The following SLFN5 variants were observed in gnomAD, a reference collection of about 807,000 sequenced individuals.
The protein encoded by SLFN5 is schlafen family member 5.
SLFN5 carries 34 observed loss-of-function variants against 48.5 expected under a neutral mutation model. The ratio of observed to expected loss-of-function variants is 0.70; its 90% confidence interval spans 0.53 to 0.93. The LOEUF (loss-of-function observed/expected upper bound fraction) is 0.93. Ranked by LOEUF, SLFN5 falls within the 40% of genes least tolerant of loss-of-function variation. The probability of loss-of-function intolerance (pLI) is 0.00; values close to 1 mark genes in which losing one functional copy is unlikely to be tolerated. For synonymous variants in SLFN5, 387 were observed against 396.2 expected, an observed-to-expected ratio of 0.98 and a Z score of 0.28; for missense variants, 1,006 against 1,071.3, an observed-to-expected ratio of 0.94 and a Z score of 0.85.
intron 1 of SLFN5, among the ~76,000 whole-genome samples, chr17:35,252,257 C>T (rs147020350): frequency 1.9e-4 from 29 of 152,078 alleles, no homozygotes; most frequent in Non-Finnish European, 2.5e-4. Context: ...TTGTAAGACC[C>T]TATCTGTACA....
Position 35,267,283 on chromosome 17 carries a change from A to G in SLFN5, c.*1395A>G, listed in dbSNP as rs576169656. ...ACAGACTGTTCCTTTACCAATATGT[A>G]AAAGAATGTGCAAAATTAGTAAAAA... On this transcript the variant is annotated 3_prime_UTR_variant, in exon 5 of 5. Transcript: ENST00000299977. 1.3e-5 allele frequency: 2 copies of G among 152,234 alleles called. No individual in the cohort carries two copies. Among genetic ancestry groups the G allele is most frequent in the East Asian group, 1.9e-4 (1 of 5,202 alleles). 9.4% of individuals were successfully genotyped at this position (152,234 alleles called of 1,614,324 possible). A position where few individuals can be genotyped will look rare whatever the true frequency, so the allele number is the denominator to read the frequency against.
chr17:35,266,031 T>A lies in SLFN5; in HGVS notation c.*143T>A, dbSNP rs977619593. ...GCTGGGGATTGAGAACGAATCGATGTAAGATTCCTCCTTTAGGGCAGAGAC... is the reference window on the plus strand; with the variant it reads ...GCTGGGGATTGAGAACGAATCGATGAAAGATTCCTCCTTTAGGGCAGAGAC... On this transcript the variant is annotated 3_prime_UTR_variant, in exon 5 of 5. Transcript: ENST00000299977. The A allele has an allele frequency of 1.2e-6, 1 of 852,136 alleles. No homozygotes were observed. The highest frequency in any genetic ancestry group is 1.7e-6 in the Non-Finnish European group (1 of 571,856). The allele number at this position is 852,136 out of a possible 1,614,324, so 52.8% of individuals were successfully genotyped here.
Position 35,265,165 on chromosome 17 carries a change from T to C in SLFN5, c.1953T>C (p.Ala651=), listed in dbSNP as rs1904639640. 1 of 1,614,006 alleles carries C rather than the reference T, an allele frequency of 6.2e-7. No homozygotes were observed. Among genetic ancestry groups the C allele is most frequent in the Non-Finnish European group, 8.5e-7 (1 of 1,180,040 alleles). ...TCCAGCACATTATCATTGATGACGC[T>C]CAGAATTTCCGTACTGAAGATGGGG... ...EHIQHIIIDD[A]QNFRTEDGDW... The change falls in exon 5 of 5, where the codon GCT becomes GCC. Residue 651 remains alanine (A), a synonymous_variant. Transcript: ENST00000299977.
chr17:35,264,525 T>C lies in SLFN5; in HGVS notation c.1481T>C (p.Val494Ala), dbSNP rs769020124. 6.2e-7 allele frequency: 1 copy of C among 1,614,134 alleles called. No homozygotes were observed. The highest frequency in any genetic ancestry group is 8.5e-7 in the Non-Finnish European group (1 of 1,180,020). The change falls in exon 4 of 5, where the codon GTC (valine) becomes GCC (alanine). Residue 494 changes from valine (V) to alanine (A), a missense_variant. Transcript: ENST00000299977. ...GGGAGGTTATGCATCACCCCCTTGG[T>C]CTGTGTGCTGAATTCTGATAGAAAA... ...YTGRLCITPL[V>A]CVLNSDRKAQ...
In SLFN5 at chr17:35,261,023, G is replaced by A. The variant is rs144674966; in HGVS notation, c.1065G>A (p.Thr355=). 4.9e-5 allele frequency: 79 copies of A among 1,613,778 alleles called. No individual in the cohort carries two copies. The African/African-American group carries it at 9.6e-4, about 20-fold the overall frequency. ...TCCAGTTGAGTTTGTCATCTGCCAC[G>A]CCCCGCAGCAAGCCTGTGTGCATTC... The part of the protein sequence containing the change: ...MVLQLSLSSA[T]PRSKPVCIHK... The change falls in exon 3 of 5, where the codon ACG becomes ACA. Residue 355 remains threonine, a synonymous_variant. Transcript: ENST00000299977.
At chr17:35,246,078 C>A (rs1457936691) in intron 1 of SLFN5, among the ~76,000 whole-genome samples, 2 of 152,098 alleles carry the variant, frequency 1.3e-5, no homozygotes, top group East Asian at 3.9e-4. Context: ...TAGGCATTTC[C>A]CTAACGACTA....
Position 35,258,685 on chromosome 17 carries a change from G to A in SLFN5, c.-6G>A. 1 of 1,608,818 alleles carries A rather than the reference G, an allele frequency of 6.2e-7. No individual in the cohort carries two copies. Among genetic ancestry groups the A allele is most frequent in the Non-Finnish European group, 8.5e-7 (1 of 1,176,378 alleles). Reference sequence around the variant, plus strand: ...TCAGGATAGGAATAGGCCAAGTGCTGAGAAGATGAGTCTTAGGATTGATGT... The same window carrying A: ...TCAGGATAGGAATAGGCCAAGTGCTAAGAAGATGAGTCTTAGGATTGATGT... On this transcript the variant is annotated 5_prime_UTR_variant, in exon 2 of 5. Transcript: ENST00000299977.
rs1327961900 is a variant in SLFN5 at position 35,266,603 on chromosome 17, G to A, written c.*715G>A. On this transcript the variant is annotated 3_prime_UTR_variant, in exon 5 of 5. Transcript: ENST00000299977. Reference sequence around the variant, plus strand: ...TTAGCTCTGATTTTTTATTCTTATGGAGCGTCTTAGGTTACTACATGAAGG... The same window carrying A: ...TTAGCTCTGATTTTTTATTCTTATGAAGCGTCTTAGGTTACTACATGAAGG... 2 of 151,866 alleles carry A rather than the reference G, an allele frequency of 1.3e-5. No homozygotes were observed. The highest frequency in any genetic ancestry group is 2.9e-5 in the Non-Finnish European group (2 of 67,994). 9.4% of individuals were successfully genotyped at this position (151,866 alleles called of 1,614,324 possible).
In SLFN5 at chr17:35,265,545, G is replaced by C; in HGVS notation, c.2333G>C (p.Arg778Pro). ...EILIYVANKC[R>P]FLLRNGYSPK... ...CTGATCTATGTAGCGAATAAATGCC[G>C]TTTTCTCTTGCGGAATGGTTATTCT... Residue 778 changes from arginine to proline, a missense_variant, in exon 5 of 5, where the codon CGT (arginine) becomes CCT (proline). Transcript: ENST00000299977. 1.2e-6 allele frequency: 2 copies of C among 1,614,180 alleles called. No homozygotes were observed. The highest frequency in any genetic ancestry group is 1.7e-6 in the Non-Finnish European group (2 of 1,180,044).
intron 2 of SLFN5, 152 bp from the exon 3 acceptor site, chr17:35,260,819 A>T: frequency 1.2e-6 from 1 of 866,340 alleles, no homozygotes; most frequent in Non-Finnish European, 1.6e-6. Context: ...AAACCTCAGT[A>T]GGCTTTCCTG....
rs147231436 is a variant in SLFN5, at chr17:35,243,882, A to G, written c.-41+739A>G. ...AGAGGAAGATTTATTCCATTTGGCC[A>G]AAGCGAGAAGGCAAGAGGTCAAGAT... On this transcript the variant is annotated intron_variant, in intron 1 of 4. Transcript: ENST00000299977. 6.9e-4 allele frequency among the ~76,000 whole-genome samples: 105 copies of G among 152,366 alleles called. 1 individual carries two copies. Among genetic ancestry groups the G allele is most frequent in the African/African-American group, 2.4e-3 (98 of 41,590 alleles).
chr17:35,265,117 C>T lies in SLFN5; in HGVS notation c.1905C>T (p.Phe635=), dbSNP rs1904637778. The change falls in exon 5 of 5, where the codon TTC becomes TTT. Residue 635 remains phenylalanine, a synonymous_variant. Transcript: ENST00000299977. ...GCCAGCCAGTGACCCGGAAAACCTTCATGAAAAACAACTTTGAACACATCC... is the reference window on the plus strand; with the variant it reads ...GCCAGCCAGTGACCCGGAAAACCTTTATGAAAAACAACTTTGAACACATCC... ...NICQPVTRKT[F]MKNNFEHIQH... is the part of the protein sequence containing the mutation. The T allele has an allele frequency of 6.2e-7, 1 of 1,613,482 alleles. No homozygotes were observed. The highest frequency in any genetic ancestry group is 8.5e-7 in the Non-Finnish European group (1 of 1,179,880).
chr17:35,265,220 C>G lies in SLFN5; in HGVS notation c.2008C>G (p.Gln670Glu). 2 of 1,614,224 alleles carry G rather than the reference C, an allele frequency of 1.2e-6. No homozygotes were observed. The highest frequency in any genetic ancestry group is 8.5e-7 in the Non-Finnish European group (1 of 1,180,048). ...DWYGKAKFIT[Q>E]TARDGPGVLW... ...GTATGGGAAAGCAAAGTTCATCACT[C>G]AGACAGCAAGGGATGGCCCAGGAGT... The change falls in exon 5 of 5, where the codon CAG (glutamine) becomes GAG (glutamate). Residue 670 changes from glutamine (Q) to glutamate (E), a missense_variant. Coordinates refer to ENST00000299977, the MANE Select transcript of SLFN5 (RefSeq NM_144975.4).
chr17:35,245,627 T>A (rs1001181285), intron 1 of SLFN5, among the ~76,000 whole-genome samples: 1 of 152,194 alleles, frequency 6.6e-6, no homozygotes, highest in Non-Finnish European at 1.5e-5. Flanking sequence ...AGCATCATTG[T>A]TTTCAGATTC....
chr17:35,256,242 C>A (rs1904338715), intron 1 of SLFN5, among the ~76,000 whole-genome samples: 1 of 152,040 alleles, frequency 6.6e-6, no homozygotes. Context: ...ACCTGTAGTC[C>A]CAGATCCTCG....
In SLFN5 at chr17:35,268,099, G is replaced by A. The variant is rs567883592; in HGVS notation, c.*2211G>A. On this transcript the variant is annotated 3_prime_UTR_variant, in exon 5 of 5. Coordinates refer to ENST00000299977, the MANE Select transcript of SLFN5 (RefSeq NM_144975.4). ...AGGCAACAATAAAGAGTAGAAACCAGGTTAACAGCGAGGGCCTCATCTCAC... is the reference window on the plus strand; with the variant it reads ...AGGCAACAATAAAGAGTAGAAACCAAGTTAACAGCGAGGGCCTCATCTCAC... 9 of 152,286 alleles carry A rather than the reference G, an allele frequency of 5.9e-5. No individual in the cohort carries two copies. Among genetic ancestry groups the A allele is most frequent in the African/African-American group, 2.2e-4 (9 of 41,538 alleles). The allele number at this position is 152,286 out of a possible 1,614,324, so 9.4% of individuals were successfully genotyped here.
rs374723957 is a variant in SLFN5, at chr17:35,267,291, G to A, written c.*1403G>A. 4.6e-5 allele frequency: 7 copies of A among 152,162 alleles called. No individual in the cohort carries two copies. The East Asian group carries it at 7.7e-4, about 17-fold the overall frequency. The allele number at this position is 152,162 out of a possible 1,614,324, so 9.4% of individuals were successfully genotyped here. A position where few individuals can be genotyped will look rare whatever the true frequency, so the allele number is the denominator to read the frequency against. ...TTCCTTTACCAATATGTAAAAGAAT[G>A]TGCAAAATTAGTAAAAATATACCCA... On this transcript the variant is annotated 3_prime_UTR_variant, in exon 5 of 5. Transcript: ENST00000299977.
intron 2 of SLFN5, among the ~76,000 whole-genome samples, chr17:35,260,225 CG>C (rs1458870364): frequency 2.0e-5 from 3 of 151,914 alleles, no homozygotes; most frequent in Admixed American, 6.6e-5. Context: ...TTTGGGGAGC[CG>C]GTACGTGATA....
At chr17:35,260,282 G>A (rs997030943) in intron 2 of SLFN5, among the ~76,000 whole-genome samples, 2 of 152,154 alleles carry the variant, frequency 1.3e-5, no homozygotes, top group African/African-American at 2.4e-5. Context: ...GAAAAGGAAA[G>A]CCTGAGATAA....
Sources: allele counts gnomAD v4.1 joint callset (sites outside exome capture counted in the v4.1 genomes callset), GRCh38; gene constraint gnomAD v4.1.1; transcripts MANE v1.5; gene names NCBI Gene and HGNC (gene_info 2026-07-23, HGNC 2026-07-21).